UGGT2: variants seen among roughly 807,000 people sequenced by gnomAD.
UGGT2 encodes UDP-glucose glycoprotein glucosyltransferase 2, also known as UDP-glucose:glycoprotein glucosyltransferase 2.
A neutral mutation model predicts 192.1 loss-of-function variants in UGGT2; 180 were observed. The ratio of observed to expected loss-of-function variants is 0.94; its 90% CI spans 0.83 to 1.06. The LOEUF (loss-of-function observed/expected upper bound fraction) is 1.06, where lower values mean the gene tolerates loss of function less well. Among genes scored for constraint, UGGT2 ranks in the 50% least tolerant of loss-of-function variants. UGGT2 has a pLI of 0.00. For synonymous variants in UGGT2, 580 were observed against 591.0 expected (o/e 0.98, Z 0.27); for missense variants, 1,849 against 1,795.7 (o/e 1.03, Z -0.54).
At chr13:96,035,954 G>A (rs576459893) in intron 1 of UGGT2, among the ~76,000 whole-genome samples, 1 of 152,266 alleles carries the variant, frequency 6.6e-6, no homozygotes, top group Admixed American at 6.5e-5. Context: ...CTACACTGTT[G>A]GTGGGAACGT....
intron 20 of UGGT2, among the ~76,000 whole-genome samples, chr13:95,924,981 A>T (rs1207833091): frequency 6.6e-6 from 1 of 152,208 alleles, no homozygotes; most frequent in African/African-American, 2.4e-5. Context: ...TGAACCTCAG[A>T]AACTGTTAAG....
chr13:96,043,566 T>C (rs1344264976), intron 1 of UGGT2, among the ~76,000 whole-genome samples: 1 of 152,142 alleles, frequency 6.6e-6, no homozygotes, highest in African/African-American at 2.4e-5. Flanking sequence ...ACTTAAAAGA[T>C]ACAGAACTGC....
chr13:95,880,116 C>A (rs2047452066), intron 27 of UGGT2, among the ~76,000 whole-genome samples: 1 of 152,156 alleles, frequency 6.6e-6, no homozygotes, highest in South Asian at 2.1e-4. Flanking sequence ...ATTAATTTTT[C>A]TAATAGGATA....
chr13:95,830,828 C>T (rs1886595790), intron 38 of UGGT2, among the ~76,000 whole-genome samples: 1 of 152,178 alleles, frequency 6.6e-6, no homozygotes, highest in Admixed American at 6.5e-5. Flanking sequence ...CACATGCACA[C>T]ATATGTTTAT....
At chr13:95,867,964 G>GT (rs917788426) in intron 29 of UGGT2, among the ~76,000 whole-genome samples, 3 of 152,016 alleles carry the variant, frequency 2.0e-5, no homozygotes, top group Admixed American at 6.6e-5. Context: ...GTATAATGCA[G>GT]TTTTTTTCTC....
At chr13:95,919,865 A>T (rs1163266676) in intron 20 of UGGT2, among the ~76,000 whole-genome samples, 1 of 152,232 alleles carries the variant, frequency 6.6e-6, no homozygotes, top group Non-Finnish European at 1.5e-5. Context: ...TTTAAAATTC[A>T]TATGGAACCA....
At chr13:95,822,129 T>C (rs1310113436) in intron 38 of UGGT2, among the ~76,000 whole-genome samples, 2 of 152,192 alleles carry the variant, frequency 1.3e-5, no homozygotes, top group African/African-American at 2.4e-5. Flanking sequence ...GGGAATTGCA[T>C]TGAATCTGTA....
chr13:95,985,599 T>C (rs1002920199), intron 9 of UGGT2, among the ~76,000 whole-genome samples: 1 of 152,182 alleles, frequency 6.6e-6, no homozygotes, highest in Non-Finnish European at 1.5e-5. Flanking sequence ...TTGTTGCCCA[T>C]GCACTGCGAC....
intron 17 of UGGT2, among the ~76,000 whole-genome samples, chr13:95,933,222 C>T (rs1398133750): frequency 6.6e-6 from 1 of 152,114 alleles, no homozygotes; most frequent in African/African-American, 2.4e-5. Flanking sequence ...AGGGCTTTTA[C>T]TGGTTGGTAG....
chr13:96,034,084 C>A lies in UGGT2; in HGVS notation c.159-2113G>T, dbSNP rs547481158. Among the ~76,000 whole-genome samples the A allele has an allele frequency of 5.9e-5, 9 of 152,146 alleles. No individual in the cohort carries two copies. The East Asian group carries it at 7.7e-4, about 13-fold the overall frequency. On this transcript the variant is annotated intron_variant, in intron 1 of 38. Coordinates refer to ENST00000376747, the MANE Select transcript of UGGT2 (RefSeq NM_020121.4). ...GGACGAGTCAGCACACACTTACCCC[C>A]CTCTGAAGCCCATAAAAACCCCAGA...
At chr13:95,853,010 TC>T (rs1394770584) in intron 36 of UGGT2, among the ~76,000 whole-genome samples, 1 of 152,184 alleles carries the variant, frequency 6.6e-6, no homozygotes, top group African/African-American at 2.4e-5. Flanking sequence ...GGTAATTGAC[TC>T]ATGGGGGTGG....
At chr13:96,035,624 C>G (rs2052978984) in intron 1 of UGGT2, among the ~76,000 whole-genome samples, 1 of 152,084 alleles carries the variant, frequency 6.6e-6, no homozygotes, top group Non-Finnish European at 1.5e-5. Context: ...GAACACACAA[C>G]CTACAGAATG....
Position 96,023,761 on chromosome 13 carries a change from T to C in UGGT2, c.242-2A>G, listed in dbSNP as rs1460992154. 2 of 1,584,112 alleles carry C rather than the reference T, an allele frequency of 1.3e-6. No homozygotes were observed. Among genetic ancestry groups the C allele is most frequent in the Admixed American group, 1.7e-5 (1 of 57,620 alleles). Reference sequence around the variant, plus strand: ...AGTTGTAATAAGAATAATCTGATTCTATAAAAAGAAGTCAAAAGAAAATAA... The same window carrying C: ...AGTTGTAATAAGAATAATCTGATTCCATAAAAAGAAGTCAAAAGAAAATAA... On this transcript the variant is annotated splice_acceptor_variant, in intron 2 of 38. Coordinates refer to ENST00000376747, the MANE Select transcript of UGGT2 (RefSeq NM_020121.4). LOFTEE classifies it high-confidence loss of function.
intron 20 of UGGT2, among the ~76,000 whole-genome samples, chr13:95,915,375 T>C (rs1208266595): frequency 6.6e-6 from 1 of 152,202 alleles, no homozygotes; most frequent in Admixed American, 6.5e-5. Flanking sequence ...TCAATTTACA[T>C]ATGTCTATCA....
intron 38 of UGGT2, among the ~76,000 whole-genome samples, chr13:95,822,803 T>G (rs930737031): frequency 6.6e-6 from 1 of 152,124 alleles, no homozygotes; most frequent in Non-Finnish European, 1.5e-5. Flanking sequence ...TTCATTTAGT[T>G]CTGCTCTGAT....
intron 9 of UGGT2, 113 bp downstream of exon 9, chr13:95,986,220 A>G (rs1256110640): frequency 1.4e-6 from 1 of 716,174 alleles, no homozygotes; most frequent in African/African-American, 1.8e-5. Flanking sequence ...CACAAAAGCT[A>G]TATATACTAG....
At chr13:95,950,634 T>A (rs1196167669) in intron 12 of UGGT2, among the ~76,000 whole-genome samples, 2 of 149,742 alleles carry the variant, frequency 1.3e-5, no homozygotes, top group African/African-American at 2.4e-5. Context: ...AAAGATTACT[T>A]AGACAAGGAC....
chr13:95,865,950 T>C (rs954756582), intron 30 of UGGT2, among the ~76,000 whole-genome samples: 6 of 152,200 alleles, frequency 3.9e-5, no homozygotes, highest in Admixed American at 6.6e-5. Context: ...AGAGATTAAG[T>C]AATCCGTCCA....
intron 7 of UGGT2, among the ~76,000 whole-genome samples, chr13:95,994,164 AG>A (rs1387827395): frequency 6.6e-6 from 1 of 152,044 alleles, no homozygotes; most frequent in Non-Finnish European, 1.5e-5. Context: ...TAAAGTTTTT[AG>A]TTTTCTGTCA....
Sources: gnomAD v4.1 joint callset for allele counts (sites outside exome capture counted in the v4.1 genomes callset) on GRCh38, gnomAD v4.1.1 for gene constraint, MANE v1.5 for transcripts, NCBI Gene and HGNC (gene_info 2026-07-23, HGNC 2026-07-21) for gene names.